CLIP2: variants seen among roughly 807,000 people sequenced by gnomAD.
CLIP2 encodes CAP-Gly domain containing linker protein 2.
CLIP2 carries 41 observed loss-of-function variants against 111.7 expected under a neutral mutation model. That is an observed-to-expected ratio of 0.37 (90% confidence interval 0.29 to 0.48). CLIP2 has a LOEUF of 0.48. CLIP2 is among the 20% of genes least tolerant of loss of function. The pLI is 0.99. For missense variants in CLIP2, 1,160 were observed against 1,422.1 expected (o/e 0.82, Z 2.96); for synonymous variants, 660 against 644.2 (o/e 1.02, Z -0.37).
chr7:74,311,089 C>T (rs1173270531), intron 1 of CLIP2, among the ~76,000 whole-genome samples: 7 of 151,612 alleles, frequency 4.6e-5, no homozygotes, highest in African/African-American at 1.7e-4. Flanking sequence ...ACGCCATTCT[C>T]CTGCCTCAGC....
chr7:74,318,128 T>G (rs1584321023), intron 2 of CLIP2, among the ~76,000 whole-genome samples: 1 of 149,192 alleles, frequency 6.7e-6, no homozygotes, highest in Non-Finnish European at 1.5e-5. Context: ...GGCAACAGAG[T>G]GAGACTCTGT....
At position 74,360,146 on chromosome 7, in the gene CLIP2, C is replaced by A. The variant is rs781808011; in HGVS notation, c.1216-29C>A. 6 of 1,559,362 alleles carry A rather than the reference C, an allele frequency of 3.8e-6. No individual in the cohort carries two copies. The East Asian group carries it at 9.4e-5, about 24-fold the overall frequency. On this transcript the variant is annotated intron_variant, in intron 6 of 16. Transcript: ENST00000223398. Reference sequence around the variant, plus strand: ...GACCCCATACCCCGGAGCATGCTGACCCTGTCCTGGCCTTCCTTGGGGGCC... The same window carrying A: ...GACCCCATACCCCGGAGCATGCTGAACCTGTCCTGGCCTTCCTTGGGGGCC...
intron 1 of CLIP2, among the ~76,000 whole-genome samples, chr7:74,312,662 C>CT (rs1564031516): frequency 6.6e-6 from 1 of 152,132 alleles, no homozygotes; most frequent in African/African-American, 2.4e-5. Context: ...CAGCCTTGTA[C>CT]CCCAGCATGA....
rs1394001878 is a variant in CLIP2 at position 74,295,440 on chromosome 7, C to T, written c.-68+5706C>T. Among the ~76,000 whole-genome samples the T allele has an allele frequency of 6.6e-5, 10 of 152,248 alleles. No homozygotes were observed. In the South Asian group the frequency reaches 1.4e-3, roughly 22 times the overall value. On this transcript the variant is annotated intron_variant, in intron 1 of 16. Coordinates refer to ENST00000223398, the MANE Select transcript of CLIP2 (RefSeq NM_003388.5). Reference sequence around the variant, plus strand: ...TGTGAAGTTGGGGGAGTTATACTGGCGGCGGGGAGAAGTAACGTTGGATGT... The same window carrying T: ...TGTGAAGTTGGGGGAGTTATACTGGTGGCGGGGAGAAGTAACGTTGGATGT...
intron 1 of CLIP2, among the ~76,000 whole-genome samples, chr7:74,307,415 C>G (rs1204449403): frequency 6.6e-6 from 1 of 152,210 alleles, no homozygotes; most frequent in Non-Finnish European, 1.5e-5. Context: ...TGTCAGAGGA[C>G]CTCTGCCTTG....
chr7:74,320,126 G>A (rs2116508072), intron 2 of CLIP2, among the ~76,000 whole-genome samples: 1 of 150,462 alleles, frequency 6.6e-6, no homozygotes, highest in South Asian at 2.1e-4. Flanking sequence ...AACCCGGGAG[G>A]CGGAGTTTGC....
chr7:74,392,350 C>CAAA (rs56386461), intron 13 of CLIP2, among the ~76,000 whole-genome samples: 1 of 127,166 alleles, frequency 7.9e-6, no homozygotes. Context: ...GACTCCATCT[C>CAAA]AAAAAAAAAA....
At chr7:74,390,626 C>T (rs2116693372) in intron 13 of CLIP2, among the ~76,000 whole-genome samples, 1 of 152,078 alleles carries the variant, frequency 6.6e-6, no homozygotes. Flanking sequence ...CAAGGTCTTG[C>T]TACTGCACTG....
intron 3 of CLIP2, among the ~76,000 whole-genome samples, chr7:74,340,245 A>C (rs1789619736): frequency 6.6e-6 from 1 of 151,954 alleles, no homozygotes; most frequent in South Asian, 2.1e-4. Flanking sequence ...AAAATACAAA[A>C]ATTAGCTGGC....
intron 7 of CLIP2, among the ~76,000 whole-genome samples, chr7:74,360,759 C>T (rs1236556092): frequency 6.6e-6 from 1 of 152,100 alleles, no homozygotes; most frequent in Non-Finnish European, 1.5e-5. Flanking sequence ...GCACATTGGC[C>T]AGGCTAGTCT....
intron 11 of CLIP2, among the ~76,000 whole-genome samples, chr7:74,384,049 C>T (rs902720318): frequency 2.6e-5 from 4 of 152,142 alleles, no homozygotes; most frequent in South Asian, 2.1e-4. Flanking sequence ...ATTAGCTGGG[C>T]GTGGTGGTGT....
chr7:74,311,227 C>T (rs1291341808), intron 1 of CLIP2, among the ~76,000 whole-genome samples: 1 of 152,170 alleles, frequency 6.6e-6, no homozygotes, highest in Admixed American at 6.6e-5. Flanking sequence ...GATCTGCCCG[C>T]GTCAGCCTCC....
chr7:74,381,654 A>T (rs1554313934), intron 11 of CLIP2: 2 of 455,068 alleles, frequency 4.4e-6, no homozygotes, highest in African/African-American at 4.0e-5. Context: ...AGTGACACAA[A>T]TGGTACCATA....
chr7:74,370,837 C>G (rs527474557), intron 8 of CLIP2, among the ~76,000 whole-genome samples: 1 of 152,190 alleles, frequency 6.6e-6, no homozygotes, highest in South Asian at 2.1e-4. Flanking sequence ...TCCTCTATTT[C>G]ACGTTCATTC....
chr7:74,307,473 A>G (rs1788527423), intron 1 of CLIP2, among the ~76,000 whole-genome samples: 2 of 152,130 alleles, frequency 1.3e-5, no homozygotes, highest in South Asian at 2.1e-4. Flanking sequence ...AATGCCTGGT[A>G]GACAGTAGGT....
intron 3 of CLIP2, among the ~76,000 whole-genome samples, chr7:74,352,769 G>C (rs1021452827): frequency 5.9e-5 from 9 of 151,636 alleles, no homozygotes; most frequent in African/African-American, 2.2e-4. Flanking sequence ...AGCCCTTTGG[G>C]AGGCTGAGAC....
chr7:74,359,272 T>A (rs1343169944), intron 6 of CLIP2, among the ~76,000 whole-genome samples: 2 of 151,026 alleles, frequency 1.3e-5, no homozygotes, highest in Non-Finnish European at 3.0e-5. Context: ...CCCGGCCAAT[T>A]TTTCACTCTT....
chr7:74,376,603 G>C lies in CLIP2; in HGVS notation c.2202G>C (p.Glu734Asp), dbSNP rs782718705. The C allele has an allele frequency of 2.5e-6, 4 of 1,613,106 alleles. No individual in the cohort carries two copies. The highest frequency in any genetic ancestry group is 2.5e-6 in the Non-Finnish European group (3 of 1,179,782). The change falls in exon 10 of 17, where the codon GAG (glutamate) becomes GAC (aspartate). Residue 734 changes from glutamate (E) to aspartate (D), a missense_variant. By Grantham distance (45) the Glu-to-Asp change is conservative. Coordinates refer to ENST00000223398, the MANE Select transcript of CLIP2 (RefSeq NM_003388.5). This position sits in a 1 kb window ranked among gnomAD's most constrained non-coding sequence, Gnocchi z 7.1. ...GGGATGCCGAGCTGCGTGTGCACGAGCTGGAAAAACTGGACGTGGAGTACC... is the reference window on the plus strand; with the variant it reads ...GGGATGCCGAGCTGCGTGTGCACGACCTGGAAAAACTGGACGTGGAGTACC... ...QRRDAELRVHELEKLDVEYRG... is the reference protein window; with the variant it reads ...QRRDAELRVHDLEKLDVEYRG...
At chr7:74,313,659 G>A (rs904279033) in intron 1 of CLIP2, among the ~76,000 whole-genome samples, 11 of 151,746 alleles carry the variant, frequency 7.2e-5, no homozygotes, top group Non-Finnish European at 1.5e-4. Flanking sequence ...TGTTGGCACC[G>A]TTCCCTGGCA....
Sources: allele counts gnomAD v4.1 joint callset (sites outside exome capture counted in the v4.1 genomes callset), GRCh38; gene constraint gnomAD v4.1.1; non-coding constraint Gnocchi (gnomAD v3.1); transcripts MANE v1.5; gene names NCBI Gene and HGNC (gene_info 2026-07-23, HGNC 2026-07-21).